The following SEC22A variants were observed in gnomAD, a reference collection of about 807,000 sequenced individuals.
SEC22A encodes the protein SEC22 homolog A, vesicle trafficking protein.
A neutral mutation model predicts 35.3 loss-of-function variants in SEC22A; 22 were observed. The ratio of observed to expected loss-of-function variants is 0.62; its 90% CI spans 0.45 to 0.89. SEC22A has a LOEUF of 0.89. SEC22A is among the 40% of genes least tolerant of loss of function. SEC22A has a pLI of 0.00. For missense variants in SEC22A, 354 were observed against 362.5 expected (o/e 0.98, Z 0.19); for synonymous variants, 119 against 129.5 (o/e 0.92, Z 0.55).
At chr3:123,251,332 CTG>C (rs943242068) in intron 5 of SEC22A, among the ~76,000 whole-genome samples, 5 of 152,124 alleles carry the variant, frequency 3.3e-5, no homozygotes, top group African/African-American at 1.2e-4. Context: ...TTTGGGAACT[CTG>C]TGTGTAGGCT....
chr3:123,202,105 T>C (rs6781842), intron 1 of SEC22A, 119 bp downstream of exon 1: 87,389 of 152,940 alleles, frequency 0.57, 25,438 homozygotes, highest in Non-Finnish European at 0.61. Flanking sequence ...GCCCTCGGGA[T>C]TGAAGACCTA....
chr3:123,247,384 G>A (rs1937575937), intron 5 of SEC22A, among the ~76,000 whole-genome samples: 1 of 152,072 alleles, frequency 6.6e-6, no homozygotes, highest in Non-Finnish European at 1.5e-5. Context: ...ATGGAACCTG[G>A]GGCTTAGACT....
intron 2 of SEC22A, among the ~76,000 whole-genome samples, chr3:123,220,733 A>G (rs1230964610): frequency 1.3e-5 from 2 of 151,838 alleles, no homozygotes; most frequent in African/African-American, 2.4e-5. Context: ...TGCTTCAGAA[A>G]GGAACAACCA....
chr3:123,209,394 C>T lies in SEC22A; in HGVS notation c.177C>T (p.Asn59=), dbSNP rs35666279. 5.1e-4 allele frequency: 825 copies of T among 1,606,378 alleles called. 2 individuals carry two copies. In the African/African-American group the frequency reaches 9.5e-3, roughly 19 times the overall value. Residue 59 remains asparagine (N), a synonymous_variant, in exon 2 of 7, where the codon AAC becomes AAT. Transcript: ENST00000492595. Reference sequence around the variant, plus strand: ...GTACACTGAAAACTGGACATTATAACATTAAGTAAGACTTCAGTTTGCTTC... The same window carrying T: ...GTACACTGAAAACTGGACATTATAATATTAAGTAAGACTTCAGTTTGCTTC... ...DRCTLKTGHY[N]INFISSLGVS... is the part of the protein sequence containing the mutation.
chr3:123,260,214 C>T (rs1937858373), intron 6 of SEC22A, among the ~76,000 whole-genome samples: 1 of 139,544 alleles, frequency 7.2e-6, no homozygotes, highest in Admixed American at 7.4e-5. Context: ...CCAGGTTCTA[C>T]TTATACTCTA....
intron 1 of SEC22A, among the ~76,000 whole-genome samples, chr3:123,203,114 T>C (rs995715754): frequency 7.1e-6 from 1 of 141,694 alleles, no homozygotes. Context: ...AATCGAAGTA[T>C]ATCTTATGTT....
At chr3:123,259,004 A>T (rs995994197) in intron 5 of SEC22A, among the ~76,000 whole-genome samples, 1 of 152,180 alleles carries the variant, frequency 6.6e-6, no homozygotes, top group Non-Finnish European at 1.5e-5. Flanking sequence ...GATTAGTCTT[A>T]ATTTTTCACG....
chr3:123,235,406 A>G (rs1364574750), intron 4 of SEC22A, among the ~76,000 whole-genome samples: 3 of 152,060 alleles, frequency 2.0e-5, no homozygotes, highest in Non-Finnish European at 2.9e-5. Context: ...AAGTTGTACA[A>G]CTGGACAATT....
In SEC22A at chr3:123,209,000, G is replaced by T. The variant is rs189889495; in HGVS notation, c.-19-199G>T. The T allele has an allele frequency of 6.5e-4, 282 of 431,970 alleles. 5 individuals are homozygous for T. The East Asian group carries it at 0.013, about 20-fold the overall frequency. 26.8% of individuals were successfully genotyped at this position (431,970 alleles called of 1,614,324 possible). On this transcript the variant is annotated intron_variant, in intron 1 of 6. Transcript: ENST00000492595. ...AGTAGAGAAGGGGTTTCATCATGTTGGCCAGGCTGGTCTCAAACTCCTGAT... is the reference window on the plus strand; with the variant it reads ...AGTAGAGAAGGGGTTTCATCATGTTTGCCAGGCTGGTCTCAAACTCCTGAT...
At chr3:123,267,292 T>A (rs1460650831) in intron 6 of SEC22A, among the ~76,000 whole-genome samples, 3 of 151,962 alleles carry the variant, frequency 2.0e-5, no homozygotes, top group Non-Finnish European at 2.9e-5. Flanking sequence ...TTTTTCTTTT[T>A]TTTCTTTATC....
chr3:123,265,400 A>T (rs1352461133), intron 6 of SEC22A, among the ~76,000 whole-genome samples: 1 of 151,978 alleles, frequency 6.6e-6, no homozygotes, highest in Non-Finnish European at 1.5e-5. Context: ...TTTTTTTTAA[A>T]AAAAAATGGT....
intron 2 of SEC22A, among the ~76,000 whole-genome samples, chr3:123,214,356 C>T (rs1190265353): frequency 6.6e-6 from 1 of 152,180 alleles, no homozygotes; most frequent in Non-Finnish European, 1.5e-5. Flanking sequence ...ATGGCTTGTG[C>T]TAGCACAGTT....
intron 1 of SEC22A, among the ~76,000 whole-genome samples, chr3:123,207,630 C>T (rs1310783125): frequency 1.3e-5 from 2 of 152,146 alleles, no homozygotes; most frequent in Non-Finnish European, 2.9e-5. Context: ...TTGTCAAGCC[C>T]TATCCCACAG....
At chr3:123,236,143 A>C (rs1937415767) in intron 4 of SEC22A, among the ~76,000 whole-genome samples, 1 of 152,198 alleles carries the variant, frequency 6.6e-6, no homozygotes, top group African/African-American at 2.4e-5. Context: ...TACAACTCTG[A>C]GTATACGAAA....
chr3:123,233,657 A>T (rs1038040938), intron 4 of SEC22A, among the ~76,000 whole-genome samples: 1 of 152,068 alleles, frequency 6.6e-6, no homozygotes, highest in Admixed American at 6.6e-5. Context: ...AAACAAACAA[A>T]AAAAAACACT....
chr3:123,271,576 T>A lies in SEC22A; in HGVS notation c.778T>A (p.Phe260Ile), dbSNP rs749774849. ...GWRNVKSFLT[F>I]GLICLCNMYL... Reference sequence around the variant, plus strand: ...GCGGAATGTCAAATCTTTTTTGACTTTTGGCTTAATCTGTCTATGCAACAT... The same window carrying A: ...GCGGAATGTCAAATCTTTTTTGACTATTGGCTTAATCTGTCTATGCAACAT... Residue 260 changes from phenylalanine to isoleucine, a missense_variant, in exon 7 of 7, where the codon TTT becomes ATT. Phe to Ile is a conservative substitution (Grantham distance 21). Coordinates refer to ENST00000492595, the MANE Select transcript of SEC22A (RefSeq NM_012430.5). 8.1e-6 allele frequency: 13 copies of A among 1,614,080 alleles called. No individual in the cohort carries two copies. The highest frequency in any genetic ancestry group is 1.1e-5 in the Non-Finnish European group (13 of 1,180,034).
intron 2 of SEC22A, among the ~76,000 whole-genome samples, chr3:123,220,867 C>CATATAAATATATATATATATATAT (rs1937108080): frequency 1.0e-5 from 1 of 97,530 alleles, no homozygotes; most frequent in African/African-American, 3.6e-5. Context: ...AAAAAGGTCT[C>CATATAAATATATATATATATATAT]ATATATATAT....
At chr3:123,252,422 T>G (rs188100546) in intron 5 of SEC22A, among the ~76,000 whole-genome samples, 50 of 152,174 alleles carry the variant, frequency 3.3e-4, no homozygotes, top group African/African-American at 1.2e-3. Context: ...TATCACAATG[T>G]TAGAGGAGGG....
chr3:123,231,942 A>T (rs778133192), intron 4 of SEC22A, among the ~76,000 whole-genome samples: 1 of 152,160 alleles, frequency 6.6e-6, no homozygotes, highest in Non-Finnish European at 1.5e-5. Flanking sequence ...TAATTACTCA[A>T]ATTAGAAATG....
Sources: allele counts gnomAD v4.1 joint callset (sites outside exome capture counted in the v4.1 genomes callset), GRCh38; gene constraint gnomAD v4.1.1; transcripts MANE v1.5; gene names NCBI Gene and HGNC (gene_info 2026-07-23, HGNC 2026-07-21).